Variants in PRPF8 observed in about 807,000 individuals in gnomAD.
PRPF8 encodes the protein pre-mRNA-processing-splicing factor 8.
A neutral mutation model predicts 285.9 loss-of-function variants in PRPF8; 64 were observed. That is an observed-to-expected ratio of 0.22 (90% CI 0.18 to 0.28). The LOEUF is 0.28. PRPF8 is among the 10% of genes least tolerant of loss of function. The probability of loss-of-function intolerance (pLI) is 1.00; values close to 1 mark genes in which losing one functional copy is unlikely to be tolerated. For missense variants in PRPF8, 1,426 were observed against 3,026.7 expected (o/e 0.47, Z 12.41); for synonymous variants, 1,325 against 1,118.2 (o/e 1.18, Z -3.69).
At position 1,650,633 on chromosome 17, in the gene PRPF8, A is replaced by G; in HGVS notation, c.*169T>C. ...AAAACAAACCAGCCCCTGAACTCCTATTTATACAAAATTTATTATTATATT... is the reference window on the plus strand; with the variant it reads ...AAAACAAACCAGCCCCTGAACTCCTGTTTATACAAAATTTATTATTATATT... On this transcript the variant is annotated 3_prime_UTR_variant, in exon 43 of 43. Transcript: ENST00000304992. 2.6e-6 allele frequency: 2 copies of G among 769,520 alleles called. No individual in the cohort carries two copies. Among genetic ancestry groups the G allele is most frequent in the East Asian group, 2.7e-5 (1 of 36,572 alleles). The allele number at this position is 769,520 out of a possible 1,614,324, so 47.7% of individuals were successfully genotyped here. A position where few individuals can be genotyped will look rare whatever the true frequency, so the allele number is the denominator to read the frequency against.
At position 1,676,943 on chromosome 17, in the gene PRPF8, T is replaced by C. The variant is rs1354048110; in HGVS notation, c.2181+33A>G. On this transcript the variant is annotated intron_variant, in intron 15 of 42. Coordinates refer to ENST00000304992, the MANE Select transcript of PRPF8 (RefSeq NM_006445.4). This position sits in a 1 kb window ranked among gnomAD's most constrained non-coding sequence, Gnocchi z 6.3. ...GGTAATCCTACCCTAAAGACGGATG[T>C]TTACGCCTCCAAGGAAATAAAGAGA... 6 of 1,610,726 alleles carry C rather than the reference T, an allele frequency of 3.7e-6. No individual in the cohort carries two copies. Among genetic ancestry groups the C allele is most frequent in the Non-Finnish European group, 5.1e-6 (6 of 1,178,996 alleles).
chr17:1,678,219 G>A (rs1024941334), intron 13 of PRPF8, among the ~76,000 whole-genome samples: 8 of 152,300 alleles, frequency 5.3e-5, no homozygotes, highest in Non-Finnish European at 1.0e-4. Flanking sequence ...GGAGGCTGAA[G>A]CAGGAGAATC....
rs1597244592 is a variant in PRPF8, at chr17:1,675,034, A to G, written c.3060+118T>C. The G allele has an allele frequency of 8.1e-7, 1 of 1,237,854 alleles. No homozygotes were observed. Among genetic ancestry groups the G allele is most frequent in the East Asian group, 2.4e-5 (1 of 41,426 alleles). 76.7% of individuals were successfully genotyped at this position (1,237,854 alleles called of 1,614,324 possible). ...GTGATCTGCCCGCCTCAGCCTCCCA[A>G]AGTGCTGGGATTACAGGCATGAGCC... On this transcript the variant is annotated intron_variant, in intron 20 of 42. Coordinates refer to ENST00000304992, the MANE Select transcript of PRPF8 (RefSeq NM_006445.4). This position sits in a 1 kb window ranked among gnomAD's most constrained non-coding sequence, Gnocchi z 6.0.
In PRPF8 at chr17:1,653,132, G is replaced by A. The variant is rs558838707; in HGVS notation, c.6369+410C>T. 1 of 327,436 alleles carries A rather than the reference G, an allele frequency of 3.1e-6. No homozygotes were observed. Among genetic ancestry groups the A allele is most frequent in the South Asian group, 2.7e-5 (1 of 36,836 alleles). The allele number at this position is 327,436 out of a possible 1,614,324, so 20.3% of individuals were successfully genotyped here. A position where few individuals can be genotyped will look rare whatever the true frequency, so the allele number is the denominator to read the frequency against. The stretch of plus-strand genomic sequence containing the variant: ...TTTTTGTATTTTTAGTAGAGACAGG[G>A]TTTCACCATATTGGTCAGGCTGGTC... On this transcript the variant is annotated intron_variant, in intron 39 of 42. Transcript: ENST00000304992. This position sits in a 1 kb window ranked among gnomAD's most constrained non-coding sequence, Gnocchi z 4.9.
intron 7 of PRPF8, 24 bp downstream of exon 7, chr17:1,680,905 A>C: frequency 6.2e-7 from 1 of 1,614,160 alleles, no homozygotes; most frequent in Non-Finnish European, 8.5e-7. Flanking sequence ...CTCCTTTCCA[A>C]ATGTTGTGTT....
rs1316219039 is a variant in PRPF8, at chr17:1,658,198, C to A, written c.5505+55G>T. The A allele has an allele frequency of 2.5e-6, 4 of 1,612,704 alleles. No homozygotes were observed. Among genetic ancestry groups the A allele is most frequent in the Non-Finnish European group, 2.5e-6 (3 of 1,179,794 alleles). On this transcript the variant is annotated intron_variant, in intron 34 of 42. Transcript: ENST00000304992. The surrounding 1 kb of genome is among the most constrained non-coding windows in gnomAD (Gnocchi z 4.1). ...ACCAGTAAATATTACCAAGTCCACC[C>A]CAAGAATAAGAGGCAACATGGTTCT...
chr17:1,661,095 T>G lies in PRPF8; in HGVS notation c.4406A>C (p.Asn1469Thr). ...RHDGKLWNLN[N>T]YRTDMIQALG... ...GGCCTGGATCATGTCTGTACGGTAG[T>G]TGTTCAGGTTCCAGAGCTTCCCATC... is the stretch of plus-strand genomic sequence containing the variant. Residue 1469 changes from asparagine to threonine, a missense_variant, in exon 28 of 43, where the codon AAC (asparagine) becomes ACC (threonine). Coordinates refer to ENST00000304992, the MANE Select transcript of PRPF8 (RefSeq NM_006445.4). The surrounding 1 kb of genome is among the most constrained non-coding windows in gnomAD (Gnocchi z 7.3). The G allele has an allele frequency of 6.2e-7, 1 of 1,614,216 alleles. No individual in the cohort carries two copies. Among genetic ancestry groups the G allele is most frequent in the Non-Finnish European group, 8.5e-7 (1 of 1,180,024 alleles).
intron 24 of PRPF8, among the ~76,000 whole-genome samples, chr17:1,662,749 T>C (rs62089960): frequency 0.025 from 3,766 of 148,960 alleles, 67 homozygotes; most frequent in Middle Eastern, 0.042. Flanking sequence ...ATACAGAAAT[T>C]GAACCCAGGA....
At chr17:1,684,758 G>C (rs988047200) in intron 1 of PRPF8, 22 bp downstream of exon 1, 56 of 642,006 alleles carry the variant, frequency 8.7e-5, no homozygotes, top group Non-Finnish European at 1.4e-4. Context: ...CCGCAGCCCG[G>C]CCTTAAACGC....
intron 8 of PRPF8, chr17:1,680,415 G>T: frequency 4.3e-6 from 2 of 468,122 alleles, no homozygotes; most frequent in East Asian, 8.4e-5. Flanking sequence ...TGGATAACTT[G>T]TATGGTATGT....
rs1488084067 is a variant in PRPF8, at chr17:1,659,005, GGATT to G, written c.5139-246_5139-243del. ...AGTATGGAGCTAATGGAAAATACAC[GGATT>G]ATTTATTTATTTATTATTATTATTA... On this transcript the variant is annotated intron_variant, in intron 32 of 42. Coordinates refer to ENST00000304992, the MANE Select transcript of PRPF8 (RefSeq NM_006445.4). The surrounding 1 kb of genome is among the most constrained non-coding windows in gnomAD (Gnocchi z 5.1). The G allele has an allele frequency of 1.7e-6, 1 of 600,564 alleles. No individual in the cohort carries two copies. The highest frequency in any genetic ancestry group is 1.9e-5 in the African/African-American group (1 of 53,710). The allele number at this position is 600,564 out of a possible 1,614,324, so 37.2% of individuals were successfully genotyped here.
Position 1,651,981 on chromosome 17 carries a change from C to A in PRPF8, c.6370-193G>T. The stretch of plus-strand genomic sequence containing the variant: ...GACATGGACCTCATCGCGGACTTAC[C>A]ACATCAGAATCTCCTGAGTGGGGTC... On this transcript the variant is annotated intron_variant, in intron 39 of 42. Transcript: ENST00000304992. This position sits in a 1 kb window ranked among gnomAD's most constrained non-coding sequence, Gnocchi z 5.1. 1.4e-6 allele frequency: 1 copy of A among 709,384 alleles called. No homozygotes were observed. The allele number at this position is 709,384 out of a possible 1,614,324, so 43.9% of individuals were successfully genotyped here.
rs757982422 is a variant in PRPF8 at position 1,674,624 on chromosome 17, G to T, written c.3117C>A (p.Phe1039Leu). 1 of 1,614,130 alleles carries T rather than the reference G, an allele frequency of 6.2e-7. No homozygotes were observed. Residue 1039 changes from phenylalanine to leucine, a missense_variant, in exon 21 of 43, where the codon TTC becomes TTA. Physicochemically the swap from Phe to Leu is conservative, Grantham distance 22. Around this residue, in one of 34 missense-constraint regions of PRPF8, gnomAD observed 32 missense variants for 89.2 expected, o/e 0.36. Coordinates refer to ENST00000304992, the MANE Select transcript of PRPF8 (RefSeq NM_006445.4). ...GIIRGLQFASFIVQYYGLVMD... is the reference protein window; with the variant it reads ...GIIRGLQFASLIVQYYGLVMD... ...TCACCAGGCCATAATACTGCACGAT[G>T]AATGAGGCAAACTGCAGGCCTCTGA...
In PRPF8 at chr17:1,661,771, C is replaced by T. The variant is rs767737131; in HGVS notation, c.4042G>A (p.Val1348Ile). Residue 1348 changes from valine to isoleucine, a missense_variant, in exon 26 of 43, where the codon GTA becomes ATA. Physicochemically the swap from Val to Ile is conservative, Grantham distance 29. Transcript: ENST00000304992. This position sits in a 1 kb window ranked among gnomAD's most constrained non-coding sequence, Gnocchi z 7.3. ...SDLRWSKQTDVGITHFRSGMS... is the reference protein window; with the variant it reads ...SDLRWSKQTDIGITHFRSGMS... ...CCTGAACGAAAGTGTGTGATACCTACATCTGTCTGTTTGGACCACCTGTTT... is the reference window on the plus strand; with the variant it reads ...CCTGAACGAAAGTGTGTGATACCTATATCTGTCTGTTTGGACCACCTGTTT... The T allele has an allele frequency of 3.1e-6, 5 of 1,614,240 alleles. No homozygotes were observed. Among genetic ancestry groups the T allele is most frequent in the Non-Finnish European group, 4.2e-6 (5 of 1,180,048 alleles).
Position 1,661,557 on chromosome 17 carries a change from C to T in PRPF8, c.4202+54G>A, listed in dbSNP as rs923788099. 1.9e-6 allele frequency: 3 copies of T among 1,611,332 alleles called. No individual in the cohort carries two copies. Among genetic ancestry groups the T allele is most frequent in the Non-Finnish European group, 2.5e-6 (3 of 1,179,610 alleles). ...CTCTGACCCTGAACTCCACACGGTT[C>T]AAAGGCCACCACTGCCCCTGCCCCA... On this transcript the variant is annotated intron_variant, in intron 26 of 42. Transcript: ENST00000304992. The surrounding 1 kb of genome is among the most constrained non-coding windows in gnomAD (Gnocchi z 7.3).
chr17:1,680,588 A>G, intron 8 of PRPF8, 138 bp downstream of exon 8: 1 of 791,426 alleles, frequency 1.3e-6, no homozygotes, highest in East Asian at 2.6e-5. Flanking sequence ...CTGAATTCTC[A>G]TATTCGCTTA....
At chr17:1,668,905 GA>G (rs1451696790) in intron 24 of PRPF8, among the ~76,000 whole-genome samples, 1 of 152,048 alleles carries the variant, frequency 6.6e-6, no homozygotes, top group Non-Finnish European at 1.5e-5. Context: ...CTAATACCAT[GA>G]AATTCACTAT....
intron 24 of PRPF8, among the ~76,000 whole-genome samples, chr17:1,668,674 CTT>C (rs1200380322): frequency 6.6e-6 from 1 of 151,840 alleles, no homozygotes; most frequent in Non-Finnish European, 1.5e-5. Flanking sequence ...GTCCCGCACT[CTT>C]GATTCCCTTG....
In PRPF8 at chr17:1,676,103, A is replaced by C. The variant is rs778650787; in HGVS notation, c.2553-49T>G. 1.5e-5 allele frequency: 24 copies of C among 1,612,272 alleles called. No individual in the cohort carries two copies. The highest frequency in any genetic ancestry group is 2.0e-5 in the Non-Finnish European group (24 of 1,179,960). Reference sequence around the variant, plus strand: ...GAATGGGAAAACTAGGAGGAAGTAAAACCAGGAAAGACTGGGGCTACACCT... The same window carrying C: ...GAATGGGAAAACTAGGAGGAAGTAACACCAGGAAAGACTGGGGCTACACCT... On this transcript the variant is annotated intron_variant, in intron 17 of 42. Coordinates refer to ENST00000304992, the MANE Select transcript of PRPF8 (RefSeq NM_006445.4). The surrounding 1 kb of genome is among the most constrained non-coding windows in gnomAD (Gnocchi z 6.3).
Sources: allele counts gnomAD v4.1 joint callset (sites outside exome capture counted in the v4.1 genomes callset), GRCh38; gene constraint gnomAD v4.1.1; regional missense constraint gnomAD v4.1.1; non-coding constraint Gnocchi (gnomAD v3.1); transcripts MANE v1.5; gene names NCBI Gene and HGNC (gene_info 2026-07-23, HGNC 2026-07-21).